Variants in IL23R observed in about 807,000 individuals in gnomAD.
IL23R encodes the protein interleukin 23 receptor.
A neutral mutation model predicts 56.9 loss-of-function variants in IL23R; 34 were observed. The observed-to-expected ratio is 0.60, with a 90% confidence interval of 0.45 to 0.80. IL23R has a LOEUF of 0.80. Among genes scored for constraint, IL23R ranks in the 30% least tolerant of loss-of-function variants. IL23R has a pLI of 0.00. For missense variants in IL23R, 635 were observed against 730.0 expected, an observed-to-expected ratio of 0.87 and a Z score of 1.50; for synonymous variants, 230 against 249.2, an observed-to-expected ratio of 0.92 and a Z score of 0.73.
At chr1:67,188,019 T>G (rs1367911829) in intron 4 of IL23R, among the ~76,000 whole-genome samples, 1 of 151,978 alleles carries the variant, frequency 6.6e-6, no homozygotes, top group Non-Finnish European at 1.5e-5. Context: ...GCCATTGCAC[T>G]CCAGCCTGGG....
At chr1:67,213,563 T>C (rs1649638356) in intron 6 of IL23R, among the ~76,000 whole-genome samples, 2 of 152,216 alleles carry the variant, frequency 1.3e-5, no homozygotes, top group African/African-American at 4.8e-5. Flanking sequence ...GGTGGTCCCA[T>C]AAACTTATCA....
intron 5 of IL23R, among the ~76,000 whole-genome samples, chr1:67,204,155 C>G (rs1191819425): frequency 1.3e-5 from 2 of 151,992 alleles, no homozygotes; most frequent in East Asian, 3.9e-4. Flanking sequence ...GCTCCGCCTT[C>G]CGGGTTCACG....
rs1395107049 is a variant in IL23R at position 67,258,990 on chromosome 1, T to C, written c.1752T>C (p.Ile584=). The C allele has an allele frequency of 6.2e-7, 1 of 1,614,110 alleles. No individual in the cohort carries two copies. ...AAAATGATTCACCCAGTGAAACTAT[T>C]CCAGAACAGACCCTGCTTCCTGATG... ...LLENDSPSET[I]PEQTLLPDEF... Residue 584 remains isoleucine (I), a synonymous_variant, in exon 11 of 11, where the codon ATT becomes ATC. Coordinates refer to ENST00000347310, the MANE Select transcript of IL23R (RefSeq NM_144701.3).
At chr1:67,246,170 T>C (rs1406050429) in intron 9 of IL23R, among the ~76,000 whole-genome samples, 1 of 152,210 alleles carries the variant, frequency 6.6e-6, no homozygotes, top group African/African-American at 2.4e-5. Flanking sequence ...CCTTTATCAT[T>C]TTTTATTGCA....
intron 6 of IL23R, 184 bp downstream of exon 6, chr1:67,207,239 G>A (rs1649137012): frequency 1.4e-6 from 1 of 714,242 alleles, no homozygotes; most frequent in South Asian, 1.6e-5. Flanking sequence ...GGGGGCACAT[G>A]TGCAGGTTTG....
Position 67,169,618 on chromosome 1 carries a change from G to C in IL23R, c.347G>C (p.Gly116Ala), listed in dbSNP as rs1646917106. 6.2e-7 allele frequency: 1 copy of C among 1,613,952 alleles called. No homozygotes were observed. The highest frequency in any genetic ancestry group is 1.1e-5 in the South Asian group (1 of 91,066). The change falls in exon 3 of 11, where the codon GGA becomes GCA. Residue 116 changes from glycine to alanine, a missense_variant. Transcript: ENST00000347310. ...PKHFQETLIC[G>A]KDISSGYPPD... ...CATTTTCAAGAGACACTGATATGTG[G>C]AAAAGACATTTCTTCTGGATGTAAG... is the stretch of plus-strand genomic sequence containing the variant.
intron 4 of IL23R, among the ~76,000 whole-genome samples, chr1:67,194,267 G>C (rs1647972303): frequency 6.6e-6 from 1 of 151,796 alleles, no homozygotes; most frequent in African/African-American, 2.4e-5. Context: ...CTTCCCAGGA[G>C]ATGGGGGTGG....
At chr1:67,195,058 GAC>G (rs573331150) in intron 4 of IL23R, among the ~76,000 whole-genome samples, 29 of 151,980 alleles carry the variant, frequency 1.9e-4, no homozygotes, top group Non-Finnish European at 4.0e-4. Flanking sequence ...TATTTAAATG[GAC>G]ACATAGTCTC....
chr1:67,216,669 A>C (rs1649854332), intron 6 of IL23R, among the ~76,000 whole-genome samples: 1 of 152,188 alleles, frequency 6.6e-6, no homozygotes, highest in Admixed American at 6.5e-5. Flanking sequence ...TACATCATGA[A>C]ATAGTCTTTT....
chr1:67,253,166 AT>A (rs1217836410), intron 9 of IL23R, among the ~76,000 whole-genome samples: 1 of 152,172 alleles, frequency 6.6e-6, no homozygotes, highest in Non-Finnish European at 1.5e-5. Context: ...CAATTTTTAA[AT>A]TTGTCAATTC....
chr1:67,222,503 C>T lies in IL23R; in HGVS notation c.955+2773C>T, dbSNP rs541918094. Among the ~76,000 whole-genome samples, 9 of 152,078 alleles carry T rather than the reference C, an allele frequency of 5.9e-5. No homozygotes were observed. In the South Asian group the frequency reaches 1.5e-3, roughly 25 times the overall value. On this transcript the variant is annotated intron_variant, in intron 7 of 10. Coordinates refer to ENST00000347310, the MANE Select transcript of IL23R (RefSeq NM_144701.3). ...TGTCAAGTTGATACTGTTAACAATT[C>T]GTGGACTTTAGATGCCATTTTATAA...
intron 7 of IL23R, among the ~76,000 whole-genome samples, chr1:67,225,451 G>A (rs926464164): frequency 1.3e-5 from 2 of 151,932 alleles, no homozygotes; most frequent in Non-Finnish European, 2.9e-5. Context: ...CTAATTATGG[G>A]CTATCTAGAA....
chr1:67,228,082 T>TTTTCTTTC (rs138042502), intron 7 of IL23R, among the ~76,000 whole-genome samples: 2 of 85,478 alleles, frequency 2.3e-5, no homozygotes, highest in Admixed American at 3.0e-4. Flanking sequence ...TCTTTCTTTC[T>TTTTCTTTC]TTTCTTTCTT....
intron 3 of IL23R, among the ~76,000 whole-genome samples, chr1:67,172,909 T>C (rs1646960896): frequency 6.6e-6 from 1 of 152,152 alleles, no homozygotes; most frequent in Non-Finnish European, 1.5e-5. Context: ...ATAAACTTTA[T>C]TGAGTGGTTA....
At chr1:67,147,228 C>T (rs1374088144) in intron 1 of IL23R, among the ~76,000 whole-genome samples, 2 of 152,222 alleles carry the variant, frequency 1.3e-5, no homozygotes, top group African/African-American at 2.4e-5. Context: ...AAGTTTCTCT[C>T]CCTGACATAC....
intron 9 of IL23R, among the ~76,000 whole-genome samples, chr1:67,242,118 CT>C (rs1651891902): frequency 6.6e-6 from 1 of 152,154 alleles, no homozygotes; most frequent in Non-Finnish European, 1.5e-5. Context: ...GCCTCTTTTA[CT>C]TCAAACTATG....
At chr1:67,240,816 CT>C (rs1189511802) in intron 9 of IL23R, among the ~76,000 whole-genome samples, 1 of 152,142 alleles carries the variant, frequency 6.6e-6, no homozygotes, top group Non-Finnish European at 1.5e-5. Flanking sequence ...CCAGGGTTGC[CT>C]TGTGGTCAGA....
intron 7 of IL23R, among the ~76,000 whole-genome samples, chr1:67,231,015 T>TG (rs1013317804): frequency 7.2e-5 from 11 of 151,780 alleles, no homozygotes; most frequent in African/African-American, 2.4e-4. Context: ...GGAGGGAGGG[T>TG]GGGGGCGAAT....
At position 67,219,580 on chromosome 1, in the gene IL23R, G is replaced by T; in HGVS notation, c.805G>T (p.Glu269Ter). ...TGTTACCCATCCATTTTAGGTTAAAGAATTTGACACCAATTTTACATATGT... is the reference window on the plus strand; with the variant it reads ...TGTTACCCATCCATTTTAGGTTAAATAATTTGACACCAATTTTACATATGT... ...ATTNQTWNVK[E>*]FDTNFTYVQQ... is the part of the protein sequence containing the mutation. The change falls in exon 7 of 11, where the codon GAA (glutamate) becomes TAA (stop). Residue 269 changes from glutamate (E) to a stop codon, truncating the protein, a stop_gained. Coordinates refer to ENST00000347310, the MANE Select transcript of IL23R (RefSeq NM_144701.3). LOFTEE classifies it high-confidence loss of function. 1 of 1,613,752 alleles carries T rather than the reference G, an allele frequency of 6.2e-7. No homozygotes were observed. The highest frequency in any genetic ancestry group is 8.5e-7 in the Non-Finnish European group (1 of 1,179,830).
Sources: allele counts gnomAD v4.1 joint callset (sites outside exome capture counted in the v4.1 genomes callset), GRCh38; gene constraint gnomAD v4.1.1; transcripts MANE v1.5; gene names NCBI Gene and HGNC (gene_info 2026-07-23, HGNC 2026-07-21).